Variants in ARHGEF37 observed in about 807,000 individuals in gnomAD.
ARHGEF37 encodes Rho guanine nucleotide exchange factor 37.
Under a neutral mutation model 71.1 loss-of-function variants are expected in ARHGEF37, and 55 were observed. The ratio of observed to expected loss-of-function variants is 0.77; its 90% CI spans 0.62 to 0.97. The LOEUF (loss-of-function observed/expected upper bound fraction) is 0.97, where lower values mean the gene tolerates loss of function less well. Among genes scored for constraint, ARHGEF37 ranks in the 50% least tolerant of loss-of-function variants. The probability of loss-of-function intolerance (pLI) is 0.00; values close to 1 mark genes in which losing one functional copy is unlikely to be tolerated. For synonymous variants in ARHGEF37, 327 were observed against 350.6 expected (o/e 0.93, Z 0.75); for missense variants, 765 against 836.8 (o/e 0.91, Z 1.06).
chr5:149,594,718 G>A (rs562100676), intron 1 of ARHGEF37, among the ~76,000 whole-genome samples: 4 of 152,094 alleles, frequency 2.6e-5, no homozygotes, highest in Non-Finnish European at 4.4e-5. Flanking sequence ...AGGTTACATG[G>A]GATCTGTGCC....
At chr5:149,579,901 GA>G (rs1763075475), upstream of ARHGEF37, among the ~76,000 whole-genome samples, 1 of 151,932 alleles carries the variant, frequency 6.6e-6, no homozygotes, top group Non-Finnish European at 1.5e-5. Flanking sequence ...TGTTATTTTT[GA>G]AATACTCAAA....
rs185256479 is a variant in ARHGEF37, at chr5:149,615,790, G to A, written c.459-777G>A. Among the ~76,000 whole-genome samples the A allele has an allele frequency of 5.3e-5, 8 of 152,240 alleles. No homozygotes were observed. The East Asian group carries it at 1.5e-3, about 29-fold the overall frequency. On this transcript the variant is annotated intron_variant, in intron 4 of 12. Coordinates refer to ENST00000333677, the MANE Select transcript of ARHGEF37 (RefSeq NM_001001669.3). ...ACCTGTAATCCCAGCTACTCGGGAG[G>A]CTGAGGCAGGAGAACCACTTGAACC...
At chr5:149,562,805 T>C (rs1762850369) in intron 1 of ARHGEF37, among the ~76,000 whole-genome samples, 1 of 152,226 alleles carries the variant, frequency 6.6e-6, no homozygotes, top group South Asian at 2.1e-4. Flanking sequence ...CTATGATGTA[T>C]GTCTGTTTAC....
In ARHGEF37 at chr5:149,609,615, C is replaced by T; in HGVS notation, c.378C>T (p.Asp126=). ...ATAAGGTCTACTGTGCCAGCTACGA[C>T]CAGGCCTTGCTACTGGTGGACACGT... ...QVYKVYCASY[D]QALLLVDTYR... is the part of the protein sequence containing the mutation. Residue 126 remains aspartate (D), a synonymous_variant, in exon 4 of 13, where the codon GAC becomes GAT. Coordinates refer to ENST00000333677, the MANE Select transcript of ARHGEF37 (RefSeq NM_001001669.3). 6.2e-7 allele frequency: 1 copy of T among 1,613,722 alleles called. No individual in the cohort carries two copies. Among genetic ancestry groups the T allele is most frequent in the Non-Finnish European group, 8.5e-7 (1 of 1,180,046 alleles).
chr5:149,567,687 A>G (rs1762914156), intron 1 of ARHGEF37, among the ~76,000 whole-genome samples: 1 of 152,236 alleles, frequency 6.6e-6, no homozygotes, highest in African/African-American at 2.4e-5. Flanking sequence ...TTGGTCAGTG[A>G]CAGTCCCTTC....
At chr5:149,620,122 A>G (rs1237378437) in intron 7 of ARHGEF37, among the ~76,000 whole-genome samples, 1 of 152,118 alleles carries the variant, frequency 6.6e-6, no homozygotes, top group Admixed American at 6.5e-5. Flanking sequence ...GTGGCATGTA[A>G]ATGTATGAAG....
intron 4 of ARHGEF37, among the ~76,000 whole-genome samples, chr5:149,615,436 G>T (rs1342184510): frequency 6.6e-6 from 1 of 151,250 alleles, no homozygotes; most frequent in Non-Finnish European, 1.5e-5. Context: ...ATACTATAAT[G>T]TGATAGATAC....
intron 1 of ARHGEF37, among the ~76,000 whole-genome samples, chr5:149,568,054 C>CT (rs558922145): frequency 8.6e-5 from 13 of 150,352 alleles, no homozygotes; most frequent in Admixed American, 2.7e-4. Flanking sequence ...TGCACACGTA[C>CT]TTTTTTTTTT....
intron 10 of ARHGEF37, among the ~76,000 whole-genome samples, chr5:149,624,591 T>C (rs1752628039): frequency 2.0e-5 from 3 of 152,268 alleles, no homozygotes; most frequent in East Asian, 1.9e-4. Context: ...CTGGCCAACA[T>C]GGCAAAACCC....
At chr5:149,604,676 A>AAT (rs1763860211) in intron 3 of ARHGEF37, among the ~76,000 whole-genome samples, 1 of 91,694 alleles carries the variant, frequency 1.1e-5, no homozygotes, top group African/African-American at 4.3e-5. Flanking sequence ...CAGCAACACC[A>AAT]TTTTTTTTTT....
At chr5:149,620,647 C>T (rs1012084711) in intron 8 of ARHGEF37, among the ~76,000 whole-genome samples, 183 bp downstream of exon 8, 17 of 151,624 alleles carry the variant, frequency 1.1e-4, no homozygotes, top group Admixed American at 7.2e-4. Context: ...CTGGGCAATA[C>T]GATGAAACCC....
At chr5:149,605,693 T>C (rs1580913985) in intron 3 of ARHGEF37, among the ~76,000 whole-genome samples, 1 of 152,330 alleles carries the variant, frequency 6.6e-6, no homozygotes, top group East Asian at 1.9e-4. Context: ...GCCAAGTACT[T>C]AACCTGAAGG....
At chr5:149,577,879 G>A (rs780278527), upstream of ARHGEF37, among the ~76,000 whole-genome samples, 2 of 152,206 alleles carry the variant, frequency 1.3e-5, no homozygotes, top group Admixed American at 6.5e-5. Context: ...TTATGATTCT[G>A]GAAAGAAGAA....
intron 1 of ARHGEF37, among the ~76,000 whole-genome samples, chr5:149,556,426 T>C (rs1319714031): frequency 6.6e-6 from 1 of 151,850 alleles, no homozygotes; most frequent in Non-Finnish European, 1.5e-5. Flanking sequence ...TCGCTCTTGT[T>C]GTCCAACCTG....
intron 4 of ARHGEF37, among the ~76,000 whole-genome samples, chr5:149,611,643 T>C (rs1388378570): frequency 6.6e-6 from 1 of 152,228 alleles, no homozygotes; most frequent in African/African-American, 2.4e-5. Context: ...TTTCCTTATG[T>C]GTAAGGTGGG....
At chr5:149,610,145 G>A (rs913812111) in intron 4 of ARHGEF37, among the ~76,000 whole-genome samples, 4 of 152,238 alleles carry the variant, frequency 2.6e-5, no homozygotes, top group African/African-American at 9.6e-5. Context: ...GGCAGGGCAT[G>A]CCATCCTACC....
chr5:149,597,227 G>C lies in ARHGEF37; in HGVS notation c.-11-532G>C, dbSNP rs187002813. ...AGGCAAGCATGTTGTCTGGGTCCTG[G>C]GAAATGAATTCAAAATGTCAAGAAT... is the stretch of plus-strand genomic sequence containing the variant. On this transcript the variant is annotated intron_variant, in intron 1 of 12. Transcript: ENST00000333677. Among the ~76,000 whole-genome samples, 11 of 152,060 alleles carry C rather than the reference G, an allele frequency of 7.2e-5. No homozygotes were observed. The East Asian group carries it at 2.1e-3, about 29-fold the overall frequency.
In ARHGEF37 at chr5:149,627,149, T is replaced by G. The variant is rs1386031338; in HGVS notation, c.1538T>G (p.Val513Gly). The G allele has an allele frequency of 1.9e-6, 3 of 1,614,000 alleles. No individual in the cohort carries two copies. The highest frequency in any genetic ancestry group is 2.5e-6 in the Non-Finnish European group (3 of 1,180,048). ...TATGGCCCTGGGAAGCTGTACCAGG[T>G]GACAAGCAACATCAGTGGGACTGGG... ...SRYGPGKLYQ[V>G]TSNISGTGTL... The change falls in exon 11 of 13, where the codon GTG becomes GGG. Residue 513 changes from valine to glycine, a missense_variant. This residue lies in a region of ARHGEF37 where 390 missense variants were observed against 407.4 expected (regional missense o/e 0.96). Coordinates refer to ENST00000333677, the MANE Select transcript of ARHGEF37 (RefSeq NM_001001669.3).
At chr5:149,630,448 G>C (rs1752846745) in intron 12 of ARHGEF37, among the ~76,000 whole-genome samples, 1 of 152,170 alleles carries the variant, frequency 6.6e-6, no homozygotes, top group Non-Finnish European at 1.5e-5. Context: ...CCTCGGGCCA[G>C]GGTGGCTGGA....
Sources: gnomAD v4.1 joint callset for allele counts (sites outside exome capture counted in the v4.1 genomes callset) on GRCh38, gnomAD v4.1.1 for gene constraint, gnomAD v4.1.1 regional missense constraint, MANE v1.5 for transcripts, NCBI Gene and HGNC (gene_info 2026-07-23, HGNC 2026-07-21) for gene names.